Variants in FAM98B observed in about 807,000 individuals in gnomAD.
FAM98B encodes tRNA-splicing ligase complex subunit FAM98B.
Under a neutral mutation model 43.9 loss-of-function variants are expected in FAM98B, and 32 were observed. The ratio of observed to expected loss-of-function variants is 0.73; its 90% CI spans 0.55 to 0.98. FAM98B has a LOEUF of 0.98. Ranked by LOEUF, FAM98B falls within the 50% of genes least tolerant of loss-of-function variation. FAM98B has a pLI of 0.00. For missense variants in FAM98B, 514 were observed against 522.9 expected (o/e 0.98, Z 0.17); for synonymous variants, 190 against 174.0 (o/e 1.09, Z -0.72).
intron 3 of FAM98B, among the ~76,000 whole-genome samples, chr15:38,466,657 TTCAG>T (rs1890038035): frequency 6.6e-6 from 1 of 152,060 alleles, no homozygotes; most frequent in Non-Finnish European, 1.5e-5. Flanking sequence ...GGTACAGAGT[TTCAG>T]TGAGGAAGAC....
At chr15:38,481,671 T>C (rs1298173151) in intron 7 of FAM98B, 4 of 1,377,458 alleles carry the variant, frequency 2.9e-6, no homozygotes, top group Non-Finnish European at 3.9e-6. Context: ...ATTTTCTGAA[T>C]TAGAGGAATT....
chr15:38,472,361 C>G (rs1271935535), intron 4 of FAM98B, among the ~76,000 whole-genome samples: 1 of 151,926 alleles, frequency 6.6e-6, no homozygotes, highest in Non-Finnish European at 1.5e-5. Flanking sequence ...TTAATAATTT[C>G]TTTAAAATAT....
intron 1 of FAM98B, among the ~76,000 whole-genome samples, chr15:38,460,148 G>A (rs1265366803): frequency 6.6e-6 from 1 of 152,166 alleles, no homozygotes; most frequent in Admixed American, 6.5e-5. Context: ...GAGGCTTTGA[G>A]GGAGGGCCTA....
intron 2 of FAM98B, 22 bp from the exon 3 acceptor site, chr15:38,465,247 T>G (rs1890010869): frequency 6.3e-7 from 1 of 1,594,268 alleles, no homozygotes; most frequent in Non-Finnish European, 8.5e-7. Context: ...AGTAAATGTT[T>G]TATGATTTTT....
rs141651348 is a variant in FAM98B, at chr15:38,460,409, G to GT, written c.72-3612dup. 8.3e-3 allele frequency among the ~76,000 whole-genome samples: 1,224 copies of GT among 147,548 alleles called. 17 individuals carry two copies. Among genetic ancestry groups the GT allele is most frequent in the African/African-American group, 0.028 (1,139 of 40,242 alleles). ...GAAGGAGTGATGATAAATATTGAGAGTTTTTTTTTTTAAATGAAAGTAAAA... is the reference window on the plus strand; with the variant it reads ...GAAGGAGTGATGATAAATATTGAGAGTTTTTTTTTTTTAAATGAAAGTAAAA... On this transcript the variant is annotated intron_variant, in intron 1 of 7. Transcript: ENST00000397609.
intron 6 of FAM98B, among the ~76,000 whole-genome samples, chr15:38,476,981 ACT>A (rs979986471): frequency 6.6e-6 from 1 of 151,518 alleles, no homozygotes; most frequent in South Asian, 2.1e-4. Flanking sequence ...ACAGAGCAAG[ACT>A]CTGTCTCTAA....
At chr15:38,463,977 G>T in intron 1 of FAM98B, 55 bp from the exon 2 acceptor site, 2 of 1,516,872 alleles carry the variant, frequency 1.3e-6, no homozygotes, top group Admixed American at 2.1e-5. Flanking sequence ...AGTGTTGGAG[G>T]TTTTTTTGTT....
At chr15:38,472,111 G>A (rs762776847) in intron 4 of FAM98B, among the ~76,000 whole-genome samples, 1 of 152,078 alleles carries the variant, frequency 6.6e-6, no homozygotes, top group Non-Finnish European at 1.5e-5. Context: ...CAGAGCCTGT[G>A]CCCTTAACTT....
At chr15:38,459,493 C>A (rs1889911474) in intron 1 of FAM98B, 2 of 334,170 alleles carry the variant, frequency 6.0e-6, no homozygotes, top group Non-Finnish European at 1.2e-5. Flanking sequence ...TTGGTGAGCA[C>A]CAGGGCATCT....
chr15:38,484,668 A>C lies in FAM98B; in HGVS notation c.*9A>C. 6.6e-7 allele frequency: 1 copy of C among 1,511,490 alleles called. No homozygotes were observed. Among genetic ancestry groups the C allele is most frequent in the Non-Finnish European group, 8.8e-7 (1 of 1,136,514 alleles). 93.6% of individuals were successfully genotyped at this position (1,511,490 alleles called of 1,614,324 possible). A position where few individuals can be genotyped will look rare whatever the true frequency, so the allele number is the denominator to read the frequency against. On this transcript the variant is annotated 3_prime_UTR_variant, in exon 8 of 8. Coordinates refer to ENST00000397609, the MANE Select transcript of FAM98B (RefSeq NM_173611.4). ...GATATAGAAGATACTAAAAACTATAAAAATTAGATAGCAGTGCTTGCTTCT... is the reference window on the plus strand; with the variant it reads ...GATATAGAAGATACTAAAAACTATACAAATTAGATAGCAGTGCTTGCTTCT...
chr15:38,477,348 A>C (rs1313200240), intron 6 of FAM98B, among the ~76,000 whole-genome samples: 3 of 151,834 alleles, frequency 2.0e-5, no homozygotes, highest in Non-Finnish European at 4.4e-5. Context: ...AAGGAGTAGC[A>C]GCATGTCACC....
At chr15:38,475,916 T>C (rs1481574222) in intron 6 of FAM98B, among the ~76,000 whole-genome samples, 1 of 152,214 alleles carries the variant, frequency 6.6e-6, no homozygotes, top group Non-Finnish European at 1.5e-5. Context: ...TAATGAGTTC[T>C]CCATTTTCTG....
intron 2 of FAM98B, 111 bp downstream of exon 2, chr15:38,464,288 A>G (rs1439010424): frequency 2.8e-6 from 3 of 1,054,846 alleles, no homozygotes; most frequent in Non-Finnish European, 3.8e-6. Flanking sequence ...CACATATTCC[A>G]AAGAATTTCA....
intron 3 of FAM98B, among the ~76,000 whole-genome samples, chr15:38,467,009 GCTA>G (rs1203025523): frequency 6.6e-6 from 1 of 152,062 alleles, no homozygotes; most frequent in Non-Finnish European, 1.5e-5. Flanking sequence ...AATTGGCTCT[GCTA>G]TTGACATAAC....
chr15:38,473,647 A>T (rs1352098677), intron 5 of FAM98B, 62 bp downstream of exon 5: 1 of 1,289,068 alleles, frequency 7.8e-7, no homozygotes, highest in African/African-American at 1.5e-5. Flanking sequence ...ACTTAATTTT[A>T]TAAATGAACA....
chr15:38,470,344 T>G lies in FAM98B; in HGVS notation c.470T>G (p.Leu157Arg). The change falls in exon 4 of 8, where the codon CTT (leucine) becomes CGT (arginine). Residue 157 changes from leucine (L) to arginine (R), a missense_variant. By Grantham distance (102) the Leu-to-Arg change is moderately radical. Around this residue, in one of 2 missense-constraint regions of FAM98B, gnomAD observed 469 missense variants for 451.8 expected, o/e 1.04. Coordinates refer to ENST00000397609, the MANE Select transcript of FAM98B (RefSeq NM_173611.4). ...YQEVQAMFDT[L>R]GIPKSTTSDI... Reference sequence around the variant, plus strand: ...GAAGTTCAAGCTATGTTTGATACACTTGGTATACCCAAGTCAACAACTTCT... The same window carrying G: ...GAAGTTCAAGCTATGTTTGATACACGTGGTATACCCAAGTCAACAACTTCT... 6.2e-7 allele frequency: 1 copy of G among 1,606,590 alleles called. No individual in the cohort carries two copies. Among genetic ancestry groups the G allele is most frequent in the Non-Finnish European group, 8.5e-7 (1 of 1,178,050 alleles).
chr15:38,482,421 C>T (rs1669734188), intron 7 of FAM98B: 1 of 152,134 alleles, frequency 6.6e-6, no homozygotes, highest in African/African-American at 2.4e-5. Flanking sequence ...TTTATGGTCT[C>T]ATTATTTGAG....
chr15:38,461,061 G>A (rs1178946979), intron 1 of FAM98B, among the ~76,000 whole-genome samples: 1 of 152,012 alleles, frequency 6.6e-6, no homozygotes, highest in Non-Finnish European at 1.5e-5. Context: ...AGGCATTAAA[G>A]ATTGGATTTT....
chr15:38,484,150 GT>G, intron 7 of FAM98B, 104 bp from the exon 8 acceptor site: 1 of 990,496 alleles, frequency 1.0e-6, no homozygotes, highest in Admixed American at 2.5e-5. Context: ...GTACTTTCAT[GT>G]CCTTAAATAT....
Sources: allele counts gnomAD v4.1 joint callset (sites outside exome capture counted in the v4.1 genomes callset), GRCh38; gene constraint gnomAD v4.1.1; regional missense constraint gnomAD v4.1.1; transcripts MANE v1.5; gene names NCBI Gene and HGNC (gene_info 2026-07-23, HGNC 2026-07-21).